SPAG9: variants seen among roughly 807,000 people sequenced by gnomAD.
SPAG9 encodes C-Jun-amino-terminal kinase-interacting protein 4.
A neutral mutation model predicts 166.5 loss-of-function variants in SPAG9; 35 were observed. That is an observed-to-expected ratio of 0.21 (90% CI 0.16 to 0.28). SPAG9 has a LOEUF of 0.28. SPAG9 is among the 10% of genes least tolerant of loss of function. SPAG9 has a pLI of 1.00. For synonymous variants in SPAG9, 534 were observed against 565.5 expected (o/e 0.94, Z 0.79); for missense variants, 1,235 against 1,603.3 (o/e 0.77, Z 3.92).
At chr17:51,089,122 C>A (rs11867259) in intron 1 of SPAG9, among the ~76,000 whole-genome samples, 6,532 of 144,872 alleles carry the variant, frequency 0.045, 199 homozygotes, top group Non-Finnish European at 0.065. Flanking sequence ...CACACACACA[C>A]AAAAAAAAAA....
At chr17:51,068,545 A>G (rs771482010) in intron 2 of SPAG9, among the ~76,000 whole-genome samples, 6 of 152,206 alleles carry the variant, frequency 3.9e-5, no homozygotes, top group Non-Finnish European at 5.9e-5. Context: ...ACGTAGGGAC[A>G]GTCCACGCTT....
chr17:50,993,141 C>T (rs1355494701), intron 19 of SPAG9, among the ~76,000 whole-genome samples: 3 of 149,248 alleles, frequency 2.0e-5, no homozygotes, highest in African/African-American at 7.4e-5. Context: ...ATGGTAAAAC[C>T]CCGTCTCTAG....
intron 1 of SPAG9, among the ~76,000 whole-genome samples, chr17:51,102,464 A>G (rs1454654027): frequency 6.6e-6 from 1 of 151,818 alleles, no homozygotes; most frequent in Non-Finnish European, 1.5e-5. Context: ...AGAAACGAAG[A>G]GTTAAAATTA....
intron 5 of SPAG9, among the ~76,000 whole-genome samples, chr17:51,040,096 G>T (rs1362132581): frequency 6.6e-6 from 1 of 151,922 alleles, no homozygotes; most frequent in Non-Finnish European, 1.5e-5. Context: ...TTAGCCAGGT[G>T]TGGTGGTGGG....
rs755731546 is a variant in SPAG9, at chr17:50,987,237, G to A, written c.2814C>T (p.Ser938=). The A allele has an allele frequency of 1.2e-6, 2 of 1,602,658 alleles. No individual in the cohort carries two copies. Among genetic ancestry groups the A allele is most frequent in the South Asian group, 2.3e-5 (2 of 88,632 alleles). The change falls in exon 22 of 30, where the codon AGC becomes AGT. Residue 938 remains serine (S), a splice_region_variant and synonymous_variant. Coordinates refer to ENST00000262013, the MANE Select transcript of SPAG9 (RefSeq NM_001130528.3). ...PEDLSPVYQS[S]NDSDAYKDQI... ...GATCTTTATATGCATCTGAGTCATT[G>A]CTGGAAAGGGAGGGCAAAAGGAAAG...
At chr17:51,025,230 A>G (rs1465842262) in intron 6 of SPAG9, among the ~76,000 whole-genome samples, 1 of 148,480 alleles carries the variant, frequency 6.7e-6, no homozygotes, top group Non-Finnish European at 1.5e-5. Context: ...GAGGCAGAGG[A>G]ATCATTGAAC....
chr17:51,005,777 G>C (rs1296401973), intron 11 of SPAG9, among the ~76,000 whole-genome samples: 1 of 152,244 alleles, frequency 6.6e-6, no homozygotes, highest in Admixed American at 6.5e-5. Flanking sequence ...CTTGAACTCG[G>C]GAGGCAGAGG....
chr17:51,061,530 A>T (rs1353013965), intron 2 of SPAG9, among the ~76,000 whole-genome samples: 1 of 147,512 alleles, frequency 6.8e-6, no homozygotes, highest in Non-Finnish European at 1.5e-5. Context: ...GAATCACTTT[A>T]ACCTGGGAGG....
chr17:51,000,314 CA>C (rs1410904687), intron 13 of SPAG9, among the ~76,000 whole-genome samples: 1 of 152,204 alleles, frequency 6.6e-6, no homozygotes, highest in African/African-American at 2.4e-5. Flanking sequence ...GCTCTCTTTT[CA>C]CTACTTTTTT....
chr17:51,074,848 GA>G (rs970138672), intron 2 of SPAG9, among the ~76,000 whole-genome samples: 3 of 150,854 alleles, frequency 2.0e-5, no homozygotes, highest in South Asian at 2.1e-4. Context: ...CTGGGACAAT[GA>G]AAAAAAAATT....
chr17:51,100,966 A>G (rs1198166724), intron 1 of SPAG9, among the ~76,000 whole-genome samples: 2 of 152,104 alleles, frequency 1.3e-5, no homozygotes, highest in Non-Finnish European at 2.9e-5. Context: ...TGAGTGTGTA[A>G]TTTCTGCCAA....
intron 25 of SPAG9, 72 bp from the exon 26 acceptor site, chr17:50,979,989 G>T: frequency 7.2e-7 from 1 of 1,384,608 alleles, no homozygotes; most frequent in Non-Finnish European, 1.0e-6. Flanking sequence ...GTGCTAATTT[G>T]CACAAGTTAG....
At chr17:51,015,908 T>C (rs1222056337) in intron 8 of SPAG9, among the ~76,000 whole-genome samples, 1 of 152,030 alleles carries the variant, frequency 6.6e-6, no homozygotes, top group Admixed American at 6.6e-5. Context: ...GACTGGAAGA[T>C]AGGAATGTTC....
chr17:50,993,975 T>C, intron 18 of SPAG9, 40 bp from the exon 19 acceptor site: 1 of 1,525,862 alleles, frequency 6.6e-7, no homozygotes, highest in Non-Finnish European at 9.0e-7. Context: ...AAACAATATG[T>C]ATGTACAAAT....
intron 1 of SPAG9, among the ~76,000 whole-genome samples, chr17:51,099,872 G>A (rs1280578884): frequency 6.6e-6 from 1 of 151,428 alleles, no homozygotes; most frequent in African/African-American, 2.4e-5. Context: ...GGCCGAGACA[G>A]GTGGATCACC....
At chr17:51,031,815 T>C in intron 5 of SPAG9, 93 bp from the exon 6 acceptor site, 3 of 889,770 alleles carry the variant, frequency 3.4e-6, no homozygotes, top group Non-Finnish European at 5.5e-6. Flanking sequence ...TCTCCCAAGA[T>C]ACAAGATTCA....
chr17:51,077,637 T>C (rs1433867778), intron 2 of SPAG9, among the ~76,000 whole-genome samples: 1 of 151,912 alleles, frequency 6.6e-6, no homozygotes, highest in Non-Finnish European at 1.5e-5. Flanking sequence ...CATCATGCAG[T>C]CCTCCGAGAT....
intron 5 of SPAG9, among the ~76,000 whole-genome samples, chr17:51,038,405 G>A (rs1449577726): frequency 6.6e-6 from 1 of 152,098 alleles, no homozygotes; most frequent in African/African-American, 2.4e-5. Context: ...TTTGCCATGG[G>A]GAATCCTGGA....
chr17:50,985,021 TC>T, intron 23 of SPAG9, 31 bp from the exon 24 acceptor site: 1 of 1,598,618 alleles, frequency 6.3e-7, no homozygotes, highest in Non-Finnish European at 8.6e-7. Context: ...TTCAGAACTC[TC>T]CATTCAGGAA....
Sources: allele counts gnomAD v4.1 joint callset (sites outside exome capture counted in the v4.1 genomes callset), GRCh38; gene constraint gnomAD v4.1.1; transcripts MANE v1.5; gene names NCBI Gene and HGNC (gene_info 2026-07-23, HGNC 2026-07-21).